SPAST: variants seen among roughly 807,000 people sequenced by gnomAD.
SPAST encodes spastic paraplegia 4 (autosomal dominant; spastin).
A neutral mutation model predicts 76.6 loss-of-function variants in SPAST; 30 were observed. That is an observed-to-expected ratio of 0.39 (90% CI 0.29 to 0.53). The LOEUF (loss-of-function observed/expected upper bound fraction) is 0.53, where lower values mean the gene tolerates loss of function less well. Among genes scored for constraint, SPAST ranks in the 20% least tolerant of loss-of-function variants. The probability of loss-of-function intolerance (pLI) is 0.68; values close to 1 mark genes in which losing one functional copy is unlikely to be tolerated. For missense variants in SPAST, 717 were observed against 770.5 expected (o/e 0.93, Z 0.82); for synonymous variants, 305 against 281.0 (o/e 1.09, Z -0.86).
In SPAST at chr2:32,115,857, T is replaced by C. The variant is rs1678812694; in HGVS notation, c.1004+22T>C. 3.8e-6 allele frequency: 6 copies of C among 1,572,962 alleles called. No individual in the cohort carries two copies. In the East Asian group the frequency reaches 1.4e-4, roughly 36 times the overall value. On this transcript the variant is annotated intron_variant, in intron 6 of 16. Transcript: ENST00000315285. ...ACAAGTAAGTTTTGCCATCTAAATG[T>C]TTTATTTTATAGTTTTTATATTTTA... is the stretch of plus-strand genomic sequence containing the variant.
chr2:32,091,526 C>G (rs1051838192), intron 3 of SPAST, among the ~76,000 whole-genome samples: 4 of 150,088 alleles, frequency 2.7e-5, no homozygotes, highest in African/African-American at 9.7e-5. Context: ...ATCCATCCAC[C>G]TCAGCCTCCC....
intron 4 of SPAST, among the ~76,000 whole-genome samples, chr2:32,106,498 C>T (rs947658080): frequency 4.6e-5 from 7 of 152,216 alleles, no homozygotes; most frequent in Non-Finnish European, 8.8e-5. Flanking sequence ...CCCAGTTCCT[C>T]AGTTGGAAAT....
At chr2:32,110,446 T>C (rs1232851589) in intron 4 of SPAST, among the ~76,000 whole-genome samples, 6 of 144,620 alleles carry the variant, frequency 4.1e-5, no homozygotes, top group African/African-American at 1.3e-4. Context: ...TATATACCTA[T>C]AGTTATTTTT....
chr2:32,120,054 C>T (rs60386495), intron 7 of SPAST, among the ~76,000 whole-genome samples: 14,861 of 150,640 alleles, frequency 0.099, 790 homozygotes, highest in Middle Eastern at 0.2. Flanking sequence ...GAGACAGTCT[C>T]GCTGTGTTCT....
intron 8 of SPAST, chr2:32,127,372 C>T (rs1204108208): frequency 3.3e-6 from 1 of 306,118 alleles, no homozygotes; most frequent in African/African-American, 2.2e-5. Context: ...CCTACCTGGG[C>T]CTCCTAAAGT....
intron 3 of SPAST, among the ~76,000 whole-genome samples, chr2:32,097,586 C>T (rs1002003317): frequency 1.3e-5 from 2 of 151,854 alleles, no homozygotes; most frequent in Admixed American, 1.3e-4. Flanking sequence ...TTCTGCCTGA[C>T]ATATGTTAAT....
intron 14 of SPAST, 52 bp from the exon 15 acceptor site, chr2:32,144,884 CA>C (rs1553319513): frequency 7.7e-5 from 101 of 1,312,272 alleles, no homozygotes; most frequent in Middle Eastern, 1.8e-4. Flanking sequence ...AACTCCATCT[CA>C]AAAAAAAGCG....
At chr2:32,153,122 G>A (rs370585753) in intron 16 of SPAST, among the ~76,000 whole-genome samples, 96 of 152,138 alleles carry the variant, frequency 6.3e-4, no homozygotes, top group African/African-American at 2.2e-3. Flanking sequence ...AAGTGTAGGT[G>A]ATATCTCATG....
chr2:32,111,692 A>G lies in SPAST; in HGVS notation c.683-2946A>G, dbSNP rs979281159. ...TCTCTGTTTAATTTGCTTTTTAACT[A>G]GAAGACCTCCTTTAGTAGTTCTTTT... On this transcript the variant is annotated intron_variant, in intron 4 of 16. Coordinates refer to ENST00000315285, the MANE Select transcript of SPAST (RefSeq NM_014946.4). Among the ~76,000 whole-genome samples the G allele has an allele frequency of 1.6e-4, 24 of 150,814 alleles. 1 individual carries two copies. The highest frequency in any genetic ancestry group is 6.2e-4 in the South Asian group (3 of 4,808).
At chr2:32,124,586 G>A (rs1216151405) in intron 7 of SPAST, among the ~76,000 whole-genome samples, 1 of 152,076 alleles carries the variant, frequency 6.6e-6, no homozygotes, top group Admixed American at 6.6e-5. Flanking sequence ...AAAAAAAACT[G>A]CACATGAATA....
intron 13 of SPAST, 65 bp from the exon 14 acceptor site, chr2:32,143,271 T>TA: frequency 3.0e-6 from 3 of 1,005,488 alleles, no homozygotes; most frequent in Non-Finnish European, 4.6e-6. Flanking sequence ...TGTCTCAATA[T>TA]AAAAAAAGAA....
At chr2:32,070,721 G>A (rs567417230) in intron 1 of SPAST, among the ~76,000 whole-genome samples, 2 of 152,096 alleles carry the variant, frequency 1.3e-5, no homozygotes, top group East Asian at 1.9e-4. Flanking sequence ...CTTCAGCCTC[G>A]CAGGCTCAAT....
chr2:32,064,445 T>G lies in SPAST; in HGVS notation c.415+199T>G, dbSNP rs118136671. ...TAAAACCTCTCCCCTTTCAGGGCAC[T>G]GTAGCTGTCGACTTTGTTTCAGACA... is the stretch of plus-strand genomic sequence containing the variant. On this transcript the variant is annotated intron_variant, in intron 1 of 16. Coordinates refer to ENST00000315285, the MANE Select transcript of SPAST (RefSeq NM_014946.4). Among the ~76,000 whole-genome samples the G allele has an allele frequency of 1.2e-3, 180 of 152,328 alleles. 2 individuals carry two copies. In the East Asian group the frequency reaches 0.033, roughly 28 times the overall value.
intron 4 of SPAST, among the ~76,000 whole-genome samples, chr2:32,099,511 T>C (rs1042269107): frequency 1.6e-4 from 24 of 152,192 alleles, no homozygotes; most frequent in Non-Finnish European, 3.2e-4. Context: ...ACATCTGAGC[T>C]AGCTTTTTGT....
intron 1 of SPAST, among the ~76,000 whole-genome samples, chr2:32,082,563 G>A (rs1677281332): frequency 6.6e-6 from 1 of 151,950 alleles, no homozygotes; most frequent in Non-Finnish European, 1.5e-5. Flanking sequence ...GGGCGTGGTG[G>A]CACGTGCCTT....
intron 4 of SPAST, among the ~76,000 whole-genome samples, chr2:32,108,698 G>A (rs551103797): frequency 1.2e-4 from 18 of 144,788 alleles, no homozygotes; most frequent in South Asian, 9.4e-4. Flanking sequence ...CATTTCTGCC[G>A]CCTCAGACTC....
At chr2:32,068,944 C>T (rs1676636401) in intron 1 of SPAST, among the ~76,000 whole-genome samples, 1 of 151,210 alleles carries the variant, frequency 6.6e-6, no homozygotes, top group Admixed American at 6.6e-5. Flanking sequence ...GTGCAGTGGC[C>T]CATGCCTGTT....
chr2:32,064,261 G>C lies in SPAST; in HGVS notation c.415+15G>C. ...GGATGAGAAAGGTAACTAGGGGGCT[G>C]GGGGAGGGGGCGGCGGCGCCGGGAA... On this transcript the variant is annotated intron_variant, in intron 1 of 16. Coordinates refer to ENST00000315285, the MANE Select transcript of SPAST (RefSeq NM_014946.4). 6.5e-7 allele frequency: 1 copy of C among 1,541,294 alleles called. No homozygotes were observed. The highest frequency in any genetic ancestry group is 2.4e-5 in the East Asian group (1 of 41,036).
In SPAST at chr2:32,083,762, ATATATATATATATATT is replaced by A. The variant is rs1677351183; in HGVS notation, c.416-3728_416-3713del. On this transcript the variant is annotated intron_variant, in intron 1 of 16. Transcript: ENST00000315285. ...ATATTTATATATACTATATATATAT[ATATATATATATATATT>A]TTTTTTTTTTTTTGAGATGAAGTCA... 4.6e-5 allele frequency among the ~76,000 whole-genome samples: 2 copies of A among 43,050 alleles called. 1 individual carries two copies. The allele number at this position is 43,050 out of a possible 152,430, so 28.2% of individuals were successfully genotyped here.
Sources: allele counts gnomAD v4.1 joint callset (sites outside exome capture counted in the v4.1 genomes callset), GRCh38; gene constraint gnomAD v4.1.1; transcripts MANE v1.5; gene names NCBI Gene and HGNC (gene_info 2026-07-23, HGNC 2026-07-21).